Variants in TDP1 observed in about 807,000 individuals in gnomAD.
TDP1 encodes the protein tyr-DNA phosphodiesterase 1.
TDP1 carries 64 observed loss-of-function variants against 81.5 expected under a neutral mutation model. The observed-to-expected ratio is 0.79, with a 90% CI of 0.64 to 0.97. The LOEUF (loss-of-function observed/expected upper bound fraction) is 0.97. Ranked by LOEUF, TDP1 falls within the 50% of genes least tolerant of loss-of-function variation. The pLI is 0.00. For missense variants in TDP1, 723 were observed against 743.8 expected, an observed-to-expected ratio of 0.97 and a Z score of 0.33; for synonymous variants, 256 against 264.3, an observed-to-expected ratio of 0.97 and a Z score of 0.30.
At position 89,987,491 on chromosome 14, in the gene TDP1, G is replaced by A. The variant is rs34124381; in HGVS notation, c.1132-1414G>A. On this transcript the variant is annotated intron_variant, in intron 10 of 16. Transcript: ENST00000335725. ...TGCTTTGCTCTTGGAGCAGAAAGTG[G>A]ACACTTTTAAAAGGGGCCTAGCATG... Among the ~76,000 whole-genome samples the A allele has an allele frequency of 6.0e-3, 908 of 152,340 alleles. 6 individuals carry two copies. The highest frequency in any genetic ancestry group is 0.021 in the African/African-American group (871 of 41,578).
At chr14:90,002,930 TTTTTA>T (rs1314197644) in intron 14 of TDP1, among the ~76,000 whole-genome samples, 1 of 152,050 alleles carries the variant, frequency 6.6e-6, no homozygotes, top group Non-Finnish European at 1.5e-5. Context: ...TATGTGGTTA[TTTTTA>T]TTTTATTTAT....
At chr14:90,008,898 G>A (rs2140213893) in intron 14 of TDP1, among the ~76,000 whole-genome samples, 1 of 152,204 alleles carries the variant, frequency 6.6e-6, no homozygotes, top group South Asian at 2.1e-4. Flanking sequence ...ATTTTGATAT[G>A]GGATCTTGCT....
chr14:89,991,811 G>A, intron 12 of TDP1, 106 bp from the exon 13 acceptor site: 1 of 1,282,010 alleles, frequency 7.8e-7, no homozygotes. Context: ...AATAGAAGTA[G>A]TTTTTTTCCT....
chr14:89,997,648 A>G (rs1378192580), intron 14 of TDP1, among the ~76,000 whole-genome samples: 2 of 152,182 alleles, frequency 1.3e-5, no homozygotes, highest in Non-Finnish European at 2.9e-5. Flanking sequence ...ACGCCTGGGC[A>G]TTGAGGAACA....
intron 7 of TDP1, chr14:89,980,272 G>T (rs986305502): frequency 3.0e-6 from 3 of 985,306 alleles, no homozygotes; most frequent in Non-Finnish European, 3.6e-6. Context: ...AAGGGGCCAG[G>T]CTGGAGGGAT....
intron 12 of TDP1, chr14:89,991,638 A>G (rs2140129820): frequency 5.1e-6 from 5 of 985,020 alleles, no homozygotes; most frequent in Non-Finnish European, 6.0e-6. Context: ...TCCCATGACT[A>G]TACTTCGTAA....
At chr14:89,978,498 G>C (rs538686207) in intron 7 of TDP1, among the ~76,000 whole-genome samples, 85 of 152,314 alleles carry the variant, frequency 5.6e-4, no homozygotes, top group African/African-American at 2.0e-3. Context: ...CCCTTTTGCT[G>C]CCTCACAGCT....
intron 8 of TDP1, among the ~76,000 whole-genome samples, chr14:89,982,879 C>T (rs932566827): frequency 2.0e-5 from 3 of 152,134 alleles, no homozygotes; most frequent in Non-Finnish European, 4.4e-5. Flanking sequence ...TATACAATCT[C>T]ACTTCATAAT....
In TDP1 at chr14:90,043,493, G is replaced by A; in HGVS notation, c.*350G>A. On this transcript the variant is annotated 3_prime_UTR_variant, in exon 17 of 17. Transcript: ENST00000335725. ...TTTTGGAATATTTGCATAGCATAAT[G>A]AGATATCTTGGGAATGGGACCCAAA... 1 of 370,210 alleles carries A rather than the reference G, an allele frequency of 2.7e-6. No homozygotes were observed. The highest frequency in any genetic ancestry group is 5.0e-6 in the Non-Finnish European group (1 of 198,874). 22.9% of individuals were successfully genotyped at this position (370,210 alleles called of 1,614,324 possible).
chr14:90,021,624 GAAAT>G (rs1005433057), intron 15 of TDP1, among the ~76,000 whole-genome samples: 9 of 152,172 alleles, frequency 5.9e-5, no homozygotes, highest in African/African-American at 2.2e-4. Context: ...TAGAGAAAAA[GAAAT>G]AATCATTTGG....
At chr14:90,019,898 GGTA>G (rs1269708230) in intron 15 of TDP1, among the ~76,000 whole-genome samples, 1 of 152,116 alleles carries the variant, frequency 6.6e-6, no homozygotes, top group Non-Finnish European at 1.5e-5. Context: ...GAAAGGAATT[GGTA>G]GTAGCACAAA....
intron 16 of TDP1, among the ~76,000 whole-genome samples, chr14:90,034,568 T>C (rs1291993490): frequency 6.6e-6 from 1 of 152,210 alleles, no homozygotes; most frequent in Non-Finnish European, 1.5e-5. Flanking sequence ...CCTGAGAATA[T>C]CTGTCTTTAA....
rs750775300 is a variant in TDP1, at chr14:90,033,160, A to G, written c.1699A>G (p.Met567Val). Reference protein sequence around the residue: ...QKFFAGSQEPMATFPVPYDLP... With the variant: ...QKFFAGSQEPVATFPVPYDLP... ...GTTCTTCGCTGGCAGCCAGGAGCCA[A>G]TGGCCACCTTTCCTGTGCCATATGA... is the stretch of plus-strand genomic sequence containing the variant. The change falls in exon 16 of 17, where the codon ATG becomes GTG. Residue 567 changes from methionine (M) to valine (V), a missense_variant. Coordinates refer to ENST00000335725, the MANE Select transcript of TDP1 (RefSeq NM_018319.4). 1.4e-5 allele frequency: 23 copies of G among 1,613,740 alleles called. No homozygotes were observed. The highest frequency in any genetic ancestry group is 3.3e-5 in the South Asian group (3 of 91,066).
At chr14:89,991,777 A>G in intron 12 of TDP1, 140 bp from the exon 13 acceptor site, 1 of 1,211,376 alleles carries the variant, frequency 8.3e-7, no homozygotes, top group Non-Finnish European at 1.1e-6. Context: ...TTTTCTTTCA[A>G]ATAACTATTC....
intron 11 of TDP1, chr14:89,989,484 GA>G: frequency 1.1e-6 from 1 of 947,420 alleles, no homozygotes; most frequent in Non-Finnish European, 1.3e-6. Context: ...ATGTTAACTT[GA>G]ATTTCAAAGG....
At position 90,033,339 on chromosome 14, in the gene TDP1, G is replaced by T. The variant is rs1476411472; in HGVS notation, c.1753+125G>T. On this transcript the variant is annotated intron_variant, in intron 16 of 16. Transcript: ENST00000335725. ...AACCCTCTGGAAGCTCAAGTTTGCA[G>T]AGGGCCCTTTGCCAGCCTGTCTGGG... 4 of 718,662 alleles carry T rather than the reference G, an allele frequency of 5.6e-6. No homozygotes were observed. The African/African-American group carries it at 7.0e-5, about 13-fold the overall frequency. 44.5% of individuals were successfully genotyped at this position (718,662 alleles called of 1,614,324 possible). A position where few individuals can be genotyped will look rare whatever the true frequency, so the allele number is the denominator to read the frequency against.
intron 4 of TDP1, 157 bp from the exon 5 acceptor site, chr14:89,967,206 GGTTT>G: frequency 1.2e-6 from 1 of 848,582 alleles, no homozygotes; most frequent in Non-Finnish European, 1.4e-6. Context: ...ATAAATTATA[GGTTT>G]GTTAGTATTG....
intron 14 of TDP1, among the ~76,000 whole-genome samples, chr14:90,008,457 G>A (rs1884311775): frequency 6.6e-6 from 1 of 152,140 alleles, no homozygotes; most frequent in Non-Finnish European, 1.5e-5. Context: ...CCAGAGTCAC[G>A]CTGCCTGAGT....
At chr14:90,026,191 C>G (rs1191207539) in intron 15 of TDP1, among the ~76,000 whole-genome samples, 1 of 152,238 alleles carries the variant, frequency 6.6e-6, no homozygotes, top group Non-Finnish European at 1.5e-5. Flanking sequence ...GCTGGAAGAA[C>G]TAATACAGTT....
Sources: gnomAD v4.1 joint callset for allele counts (sites outside exome capture counted in the v4.1 genomes callset) on GRCh38, gnomAD v4.1.1 for gene constraint, MANE v1.5 for transcripts, NCBI Gene and HGNC (gene_info 2026-07-23, HGNC 2026-07-21) for gene names.